Variants in PCDHA6 observed in about 807,000 individuals in gnomAD.
PCDHA6 encodes the protein protocadherin alpha 6.
A neutral mutation model predicts 60.3 loss-of-function variants in PCDHA6; 55 were observed. That is an observed-to-expected ratio of 0.91 (90% CI 0.73 to 1.14). The LOEUF (loss-of-function observed/expected upper bound fraction) is 1.14, where lower values mean the gene tolerates loss of function less well. Ranked by LOEUF, PCDHA6 falls within the 50% of genes most tolerant of loss-of-function variation. The pLI, the probability that PCDHA6 is intolerant of heterozygous loss-of-function variation, is 0.00. For missense variants in PCDHA6, 1,327 were observed against 1,256.5 expected, an observed-to-expected ratio of 1.06 and a Z score of -0.85; for synonymous variants, 652 against 557.9, an observed-to-expected ratio of 1.17 and a Z score of -2.38.
At chr5:140,919,124 A>G (rs1195742790) in intron 1 of PCDHA6, among the ~76,000 whole-genome samples, 1 of 151,996 alleles carries the variant, frequency 6.6e-6, no homozygotes, top group Non-Finnish European at 1.5e-5. Flanking sequence ...TTTTTGCTTC[A>G]TGTGTTTTGG....
At chr5:140,846,140 T>C (rs1780219346) in intron 1 of PCDHA6, among the ~76,000 whole-genome samples, 1 of 149,740 alleles carries the variant, frequency 6.7e-6, no homozygotes, top group Non-Finnish European at 1.5e-5. Context: ...GTTTCCCATA[T>C]TTAAAAGTTG....
intron 1 of PCDHA6, chr5:140,864,284 T>C (rs573508000): frequency 1.3e-5 from 2 of 152,220 alleles, no homozygotes; most frequent in Non-Finnish European, 2.9e-5. Flanking sequence ...CCTTATTGTT[T>C]TTATGTATTC....
chr5:140,899,069 A>G (rs1554188379), intron 1 of PCDHA6, among the ~76,000 whole-genome samples: 1 of 152,164 alleles, frequency 6.6e-6, no homozygotes, highest in Non-Finnish European at 1.5e-5. Flanking sequence ...GAAGTTGCTT[A>G]TCAGCTTAAG....
In PCDHA6 at chr5:140,829,449, C is replaced by T. The variant is rs2150168143; in HGVS notation, c.1358C>T (p.Pro453Leu). ...VEVADMNDNA[P>L]AFAQPEYTVF... ...GTGGCCGACATGAATGACAATGCTC[C>T]GGCGTTCGCGCAGCCCGAGTACACA... Residue 453 changes from proline to leucine, a missense_variant, in exon 1 of 4, where the codon CCG becomes CTG. Transcript: ENST00000529310. 10 of 1,613,808 alleles carry T rather than the reference C, an allele frequency of 6.2e-6. No individual in the cohort carries two copies. Among genetic ancestry groups the T allele is most frequent in the African/African-American group, 5.3e-5 (4 of 74,918 alleles).
intron 3 of PCDHA6, among the ~76,000 whole-genome samples, chr5:141,006,304 C>T (rs528368169): frequency 7.9e-5 from 12 of 152,036 alleles, no homozygotes; most frequent in African/African-American, 2.7e-4. Context: ...CTCCACTTCC[C>T]GGGTTCATGC....
At chr5:140,873,310 G>A (rs2054217209) in intron 1 of PCDHA6, among the ~76,000 whole-genome samples, 1 of 152,176 alleles carries the variant, frequency 6.6e-6, no homozygotes, top group Admixed American at 6.6e-5. Context: ...TAATAAAGGT[G>A]AATATTAGAT....
rs2150186249 is a variant in PCDHA6 at position 140,830,415 on chromosome 5, G to A, written c.2324G>A (p.Ser775Asn). ...PKMDLMAFSP[S>N]LSPCPIMMGK... ...ATGGATCTCATGGCCTTTAGCCCCA[G>A]CCTTTCACCTTGTCCTATTATGATG... The change falls in exon 1 of 4, where the codon AGC (serine) becomes AAC (asparagine). Residue 775 changes from serine (S) to asparagine (N), a missense_variant. By Grantham distance (46) the Ser-to-Asn change is conservative. Coordinates refer to ENST00000529310, the MANE Select transcript of PCDHA6 (RefSeq NM_018909.4). 22 of 1,614,018 alleles carry A rather than the reference G, an allele frequency of 1.4e-5. No individual in the cohort carries two copies. In the East Asian group the frequency reaches 1.8e-4, roughly 13 times the overall value.
At chr5:140,939,537 C>T (rs2092406859) in intron 1 of PCDHA6, among the ~76,000 whole-genome samples, 1 of 150,686 alleles carries the variant, frequency 6.6e-6, no homozygotes, top group Non-Finnish European at 1.5e-5. Context: ...TATACAGAGC[C>T]TCTATTTCTT....
chr5:140,891,934 T>C lies in PCDHA6; in HGVS notation c.2394+61449T>C, dbSNP rs373423866. Among the ~76,000 whole-genome samples the C allele has an allele frequency of 5.9e-5, 9 of 152,230 alleles. No homozygotes were observed. The East Asian group carries it at 9.6e-4, about 16-fold the overall frequency. ...AGATGCTGGTGCCTTGATCTTGGAC[T>C]TCCCCTAGGCTCCAGAATTGTGAGA... On this transcript the variant is annotated intron_variant, in intron 1 of 3. Transcript: ENST00000529310.
At chr5:140,955,381 T>TG (rs782287731) in intron 1 of PCDHA6, among the ~76,000 whole-genome samples, 4 of 152,136 alleles carry the variant, frequency 2.6e-5, no homozygotes, top group Non-Finnish European at 5.9e-5. Context: ...AATTGAATCA[T>TG]GGGGGCAATT....
intron 1 of PCDHA6, chr5:140,856,832 C>A (rs2044230469): frequency 3.1e-6 from 5 of 1,590,918 alleles, no homozygotes; most frequent in Non-Finnish European, 4.3e-6. Context: ...ATTAGTAATA[C>A]GGCTCAACGC....
At chr5:140,859,607 C>G (rs1218189350) in intron 1 of PCDHA6, 2 of 161,864 alleles carry the variant, frequency 1.2e-5, no homozygotes, top group Non-Finnish European at 2.7e-5. Flanking sequence ...TTACTTTTTT[C>G]TTTCCTTTCT....
intron 1 of PCDHA6, among the ~76,000 whole-genome samples, chr5:140,833,912 G>A (rs2150212045): frequency 3.3e-5 from 5 of 152,070 alleles, no homozygotes; most frequent in Non-Finnish European, 7.4e-5. Context: ...TAAACTTGCA[G>A]TTGTTTAAAT....
At chr5:140,876,961 C>A in intron 1 of PCDHA6, 1 of 1,613,154 alleles carries the variant, frequency 6.2e-7, no homozygotes, top group Non-Finnish European at 8.5e-7. Flanking sequence ...GCTGGTGGAG[C>A]GGCGGGTGGG....
chr5:140,968,682 C>T, intron 1 of PCDHA6: 1 of 1,614,128 alleles, frequency 6.2e-7, no homozygotes, highest in Non-Finnish European at 8.5e-7. Flanking sequence ...GAGCTGCACA[C>T]AGGAGAAATT....
chr5:140,918,406 G>A (rs1382905411), intron 1 of PCDHA6, among the ~76,000 whole-genome samples: 2 of 152,076 alleles, frequency 1.3e-5, no homozygotes, highest in Non-Finnish European at 2.9e-5. Context: ...GATTTCTCTG[G>A]CCAGGACTTC....
At chr5:140,872,573 C>T (rs1400699707) in intron 1 of PCDHA6, among the ~76,000 whole-genome samples, 1 of 152,068 alleles carries the variant, frequency 6.6e-6, no homozygotes, top group African/African-American at 2.4e-5. Flanking sequence ...GCTGCAGTGA[C>T]CTATCATCGT....
At chr5:140,858,851 A>G in intron 1 of PCDHA6, 1 of 282,254 alleles carries the variant, frequency 3.5e-6, no homozygotes, top group Non-Finnish European at 6.7e-6. Flanking sequence ...ACTGATCTAT[A>G]TCTCTTCAGT....
chr5:140,829,381 G>A lies in PCDHA6; in HGVS notation c.1290G>A (p.Gly430=), dbSNP rs2150166852. 10 of 1,614,200 alleles carry A rather than the reference G, an allele frequency of 6.2e-6. No homozygotes were observed. Among genetic ancestry groups the A allele is most frequent in the African/African-American group, 1.3e-5 (1 of 75,054 alleles). The change falls in exon 1 of 4, where the codon GGG becomes GGA. Residue 430 remains glycine, a synonymous_variant. Coordinates refer to ENST00000529310, the MANE Select transcript of PCDHA6 (RefSeq NM_018909.4). ...AGTTGGTGGTAACCGCGCGGGACGG[G>A]GGCTCGCCTTCGCTGTGGGCCACCG... ...AYELVVTARD[G]GSPSLWATAS...
Sources: gnomAD v4.1 joint callset for allele counts (sites outside exome capture counted in the v4.1 genomes callset) on GRCh38, gnomAD v4.1.1 for gene constraint, MANE v1.5 for transcripts, NCBI Gene and HGNC (gene_info 2026-07-23, HGNC 2026-07-21) for gene names.